The following RIN2 variants were observed in gnomAD, a reference collection of about 807,000 sequenced individuals.
The protein encoded by RIN2 is Ras and Rab interactor 2.
RIN2 carries 36 observed loss-of-function variants against 78.0 expected under a neutral mutation model. The ratio of observed to expected loss-of-function variants is 0.46; its 90% CI spans 0.35 to 0.61. The LOEUF is 0.61. Ranked by LOEUF, RIN2 falls within the 20% of genes least tolerant of loss-of-function variation. The pLI, the probability that RIN2 is intolerant of heterozygous loss-of-function variation, is 0.00. For synonymous variants in RIN2, 466 were observed against 466.8 expected (o/e 1.00, Z 0.02); for missense variants, 1,087 against 1,159.7 (o/e 0.94, Z 0.91).
chr20:19,943,197 G>T (rs1037737898), intron 4 of RIN2, among the ~76,000 whole-genome samples: 2 of 152,154 alleles, frequency 1.3e-5, no homozygotes, highest in Non-Finnish European at 2.9e-5. Flanking sequence ...ATTTTTACAG[G>T]AACAAATGAA....
At chr20:19,935,319 C>A (rs1568629497) in intron 4 of RIN2, 120 bp downstream of exon 4, 2 of 1,242,654 alleles carry the variant, frequency 1.6e-6, no homozygotes, top group Non-Finnish European at 2.2e-6. Flanking sequence ...GTGGTAGCAG[C>A]TCTAGATGAA....
At chr20:19,760,343 G>A (rs2033586944) in intron 1 of RIN2, among the ~76,000 whole-genome samples, 1 of 152,156 alleles carries the variant, frequency 6.6e-6, no homozygotes, top group Admixed American at 6.5e-5. Context: ...ACCTTTGTCT[G>A]GAAACATTCT....
intron 2 of RIN2, among the ~76,000 whole-genome samples, chr20:19,816,872 TA>T (rs2122859578): frequency 6.6e-6 from 1 of 152,112 alleles, no homozygotes; most frequent in African/African-American, 2.4e-5. Context: ...AAGAGAAAAG[TA>T]AATAAAAACT....
At chr20:19,806,259 T>C (rs988071753) in intron 2 of RIN2, among the ~76,000 whole-genome samples, 1 of 152,168 alleles carries the variant, frequency 6.6e-6, no homozygotes, top group African/African-American at 2.4e-5. Context: ...CTGGGTCAAA[T>C]GGTATTTCTA....
chr20:19,880,078 G>A (rs2037974592), intron 2 of RIN2, among the ~76,000 whole-genome samples: 3 of 152,034 alleles, frequency 2.0e-5, no homozygotes, highest in African/African-American at 7.2e-5. Flanking sequence ...GTGAAACTCT[G>A]TCTCTAACAA....
intron 1 of RIN2, among the ~76,000 whole-genome samples, chr20:19,770,206 A>G (rs1312738925): frequency 2.0e-5 from 3 of 152,160 alleles, no homozygotes; most frequent in Non-Finnish European, 4.4e-5. Flanking sequence ...CTTTTACAAA[A>G]TAAATATCAT....
At chr20:19,874,382 G>T (rs973772745) in intron 2 of RIN2, among the ~76,000 whole-genome samples, 31 of 152,310 alleles carry the variant, frequency 2.0e-4, no homozygotes, top group Middle Eastern at 3.4e-3. Flanking sequence ...TAGGAACAAT[G>T]GTTCAGTGTT....
At chr20:19,815,487 T>C (rs1383142663) in intron 2 of RIN2, among the ~76,000 whole-genome samples, 1 of 152,252 alleles carries the variant, frequency 6.6e-6, no homozygotes, top group Non-Finnish European at 1.5e-5. Flanking sequence ...GTGCATTATA[T>C]GAGTTCAATC....
In RIN2 at chr20:19,889,607, A is replaced by G; in HGVS notation, c.6A>G (p.Thr2=). The G allele has an allele frequency of 2.6e-6, 4 of 1,552,586 alleles. No homozygotes were observed. The highest frequency in any genetic ancestry group is 2.6e-6 in the Non-Finnish European group (3 of 1,147,530). ...GTGGAGCCTCGCTGGGGGAAATGAC[A>G]GCTTGGACCATGGGCGCCCGCGGTC... The part of the protein sequence containing the change: M[T]AWTMGARGLD... The change falls in exon 3 of 13, where the codon ACA becomes ACG. Residue 2 remains threonine (T), a synonymous_variant. Coordinates refer to ENST00000255006, the MANE Select transcript of RIN2 (RefSeq NM_018993.4).
At chr20:19,909,430 C>T (rs2039365205) in intron 3 of RIN2, among the ~76,000 whole-genome samples, 1 of 152,174 alleles carries the variant, frequency 6.6e-6, no homozygotes, top group Non-Finnish European at 1.5e-5. Flanking sequence ...CAGAAGTTAC[C>T]TATATACTGA....
At chr20:19,778,975 G>GAT (rs1288308743) in intron 1 of RIN2, among the ~76,000 whole-genome samples, 2 of 152,164 alleles carry the variant, frequency 1.3e-5, no homozygotes, top group Non-Finnish European at 2.9e-5. Flanking sequence ...TTTGGACTTA[G>GAT]AACATCACTA....
At chr20:19,760,285 T>G (rs1313790338) in intron 1 of RIN2, among the ~76,000 whole-genome samples, 2 of 152,166 alleles carry the variant, frequency 1.3e-5, no homozygotes, top group Non-Finnish European at 1.5e-5. Context: ...AGACTTGCTC[T>G]CAGTAGTTGG....
chr20:19,973,064 C>T (rs981540564), intron 8 of RIN2, among the ~76,000 whole-genome samples: 8 of 152,118 alleles, frequency 5.3e-5, no homozygotes, highest in Admixed American at 5.2e-4. Flanking sequence ...CAAACTCAGG[C>T]CCTGAATGTT....
chr20:19,768,144 C>T (rs1297452081), intron 1 of RIN2, among the ~76,000 whole-genome samples: 3 of 152,124 alleles, frequency 2.0e-5, no homozygotes, highest in African/African-American at 7.2e-5. Context: ...TCTGCCTGGT[C>T]TCTCCCTATG....
At position 19,948,182 on chromosome 20, in the gene RIN2, CGCACAGACACA is replaced by C. The variant is rs777404513; in HGVS notation, c.159-8432_159-8422del. On this transcript the variant is annotated intron_variant, in intron 4 of 12. Coordinates refer to ENST00000255006, the MANE Select transcript of RIN2 (RefSeq NM_018993.4). ...CTGACAGTGCTGAGACACAGCTGCT[CGCACAGACACA>C]CGGAAGGGAGCCAGAGAACTATGGA... 4.8e-4 allele frequency among the ~76,000 whole-genome samples: 60 copies of C among 126,298 alleles called. 1 individual carries two copies. The highest frequency in any genetic ancestry group is 4.4e-4 in the Non-Finnish European group (24 of 54,566). The allele number at this position is 126,298 out of a possible 152,430, so 82.9% of individuals were successfully genotyped here.
intron 2 of RIN2, among the ~76,000 whole-genome samples, chr20:19,862,593 A>AAAAC (rs58548710): frequency 0.025 from 3,759 of 152,026 alleles, 122 homozygotes; most frequent in African/African-American, 0.076. Flanking sequence ...ACTCCGTCTC[A>AAAAC]AAACAAACAA....
intron 4 of RIN2, among the ~76,000 whole-genome samples, chr20:19,939,237 G>T (rs1429533738): frequency 6.6e-6 from 1 of 152,142 alleles, no homozygotes; most frequent in Non-Finnish European, 1.5e-5. Context: ...TAGTAGAGAT[G>T]GGGTTTCACC....
At position 19,956,554 on chromosome 20, in the gene RIN2, G is replaced by GT. The variant is rs1184183704; in HGVS notation, c.159-60dup. Reference sequence around the variant, plus strand: ...CCTGGCCTATGAACTTGTAGGGACGGTCTCCTTGTTAGGGAAATGGTACTG... The same window carrying GT: ...CCTGGCCTATGAACTTGTAGGGACGGTTCTCCTTGTTAGGGAAATGGTACTG... On this transcript the variant is annotated intron_variant, in intron 4 of 12. Transcript: ENST00000255006. 1.2e-5 allele frequency: 18 copies of GT among 1,518,388 alleles called. No homozygotes were observed. The Admixed American group carries it at 3.3e-4, about 28-fold the overall frequency. 94.1% of individuals were successfully genotyped at this position (1,518,388 alleles called of 1,614,324 possible).
At chr20:19,903,557 C>T (rs1171289690) in intron 3 of RIN2, among the ~76,000 whole-genome samples, 2 of 152,124 alleles carry the variant, frequency 1.3e-5, no homozygotes, top group Non-Finnish European at 2.9e-5. Context: ...TCCACCTTGA[C>T]CACTGGTTCT....
Sources: allele counts gnomAD v4.1 joint callset (sites outside exome capture counted in the v4.1 genomes callset), GRCh38; gene constraint gnomAD v4.1.1; transcripts MANE v1.5; gene names NCBI Gene and HGNC (gene_info 2026-07-23, HGNC 2026-07-21).